The following FAM13A variants were observed in gnomAD, a reference collection of about 807,000 sequenced individuals.
The protein encoded by FAM13A is protein FAM13A.
In FAM13A, 76 loss-of-function variants were observed where a neutral mutation model predicts 129.6. The ratio of observed to expected loss-of-function variants is 0.59; its 90% CI spans 0.49 to 0.71. The LOEUF (loss-of-function observed/expected upper bound fraction) is 0.71. Among genes scored for constraint, FAM13A ranks in the 30% least tolerant of loss-of-function variants. FAM13A has a pLI of 0.00. For synonymous variants in FAM13A, 443 were observed against 449.9 expected (o/e 0.98, Z 0.20); for missense variants, 1,108 against 1,249.3 (o/e 0.89, Z 1.70).
chr4:88,905,494 T>G (rs1475342868), intron 6 of FAM13A, among the ~76,000 whole-genome samples: 1 of 152,172 alleles, frequency 6.6e-6, no homozygotes, highest in Non-Finnish European at 1.5e-5. Context: ...GTACATATTA[T>G]CACATCCCAG....
Position 88,991,166 on chromosome 4 carries a change from A to C in FAM13A, c.428-16T>G. ...TTTCTGCCATCTGGAAAAAAAAAGAATAAAAATGTTCTAAGGTATATTTCA... is the reference window on the plus strand; with the variant it reads ...TTTCTGCCATCTGGAAAAAAAAAGACTAAAAATGTTCTAAGGTATATTTCA... On this transcript the variant is annotated splice_polypyrimidine_tract_variant and intron_variant, in intron 3 of 23. Transcript: ENST00000264344. The C allele has an allele frequency of 6.3e-7, 1 of 1,598,170 alleles. No homozygotes were observed. The highest frequency in any genetic ancestry group is 8.6e-7 in the Non-Finnish European group (1 of 1,168,466).
At chr4:88,961,347 C>CCTTTTTT (rs1758576746) in intron 4 of FAM13A, among the ~76,000 whole-genome samples, 1 of 55,424 alleles carries the variant, frequency 1.8e-5, no homozygotes, top group Non-Finnish European at 3.4e-5. Context: ...TGGAATTTGC[C>CCTTTTTT]TTTTTTTTTT....
intron 5 of FAM13A, among the ~76,000 whole-genome samples, chr4:88,920,947 A>T (rs996875850): frequency 6.6e-6 from 1 of 152,186 alleles, no homozygotes; most frequent in East Asian, 1.9e-4. Context: ...AAGAAAGGGT[A>T]TCAGTGATGG....
chr4:88,823,048 C>T, intron 7 of FAM13A: 1 of 1,612,248 alleles, frequency 6.2e-7, no homozygotes, highest in Non-Finnish European at 8.5e-7. Flanking sequence ...CTGTCTCTTC[C>T]ACGGCAAGTT....
chr4:88,922,031 G>A (rs1379825481), intron 5 of FAM13A, among the ~76,000 whole-genome samples: 5 of 151,748 alleles, frequency 3.3e-5, no homozygotes, highest in Admixed American at 1.3e-4. Flanking sequence ...CCCAATACAG[G>A]AGCACCCAGA....
intron 3 of FAM13A, among the ~76,000 whole-genome samples, chr4:89,019,608 A>G (rs527435165): frequency 6.6e-6 from 1 of 151,998 alleles, no homozygotes; most frequent in African/African-American, 2.4e-5. Context: ...TAAAAATACA[A>G]AAGTTAGCCG....
intron 7 of FAM13A, among the ~76,000 whole-genome samples, chr4:88,848,866 A>G (rs1737107901): frequency 6.6e-6 from 1 of 152,098 alleles, no homozygotes; most frequent in Non-Finnish European, 1.5e-5. Flanking sequence ...CCTACATTCT[A>G]CATTGTAAAC....
chr4:88,989,946 A>G (rs1369636702), intron 4 of FAM13A: 1 of 152,250 alleles, frequency 6.6e-6, no homozygotes, highest in Non-Finnish European at 1.5e-5. Flanking sequence ...CAGAACAAAT[A>G]TAAGAAAAAA....
chr4:88,934,149 T>A (rs1753483668), intron 5 of FAM13A, among the ~76,000 whole-genome samples: 1 of 152,152 alleles, frequency 6.6e-6, no homozygotes, highest in African/African-American at 2.4e-5. Flanking sequence ...CGTTTTCTTG[T>A]CAATGAAGCA....
intron 6 of FAM13A, chr4:88,856,166 G>A (rs994802431): frequency 2.6e-5 from 4 of 152,120 alleles, no homozygotes; most frequent in African/African-American, 9.7e-5. Flanking sequence ...TTGCTGTGCT[G>A]GCATTTTGAA....
chr4:88,770,620 T>C (rs1420471782), intron 11 of FAM13A, among the ~76,000 whole-genome samples: 1 of 151,644 alleles, frequency 6.6e-6, no homozygotes. Flanking sequence ...GAACAGAAAA[T>C]AAACCGTAAT....
intron 5 of FAM13A, among the ~76,000 whole-genome samples, chr4:88,917,312 G>A (rs540226464): frequency 5.9e-5 from 9 of 152,156 alleles, no homozygotes; most frequent in African/African-American, 1.7e-4. Context: ...ACCAGCTCTT[G>A]CAGAAACTAA....
intron 11 of FAM13A, among the ~76,000 whole-genome samples, chr4:88,775,929 C>T (rs954849701): frequency 6.6e-6 from 1 of 152,162 alleles, no homozygotes; most frequent in African/African-American, 2.4e-5. Flanking sequence ...GGCTAAGTAA[C>T]GTGCTTTACT....
chr4:88,956,118 A>G (rs923337144), intron 4 of FAM13A, among the ~76,000 whole-genome samples: 3 of 152,238 alleles, frequency 2.0e-5, no homozygotes, highest in Admixed American at 6.5e-5. Context: ...AGTAGTGTAC[A>G]GTAATGTCCT....
intron 4 of FAM13A, among the ~76,000 whole-genome samples, chr4:88,953,126 A>C (rs1757202414): frequency 6.6e-6 from 1 of 152,008 alleles, no homozygotes; most frequent in African/African-American, 2.4e-5. Context: ...CCATCATCAC[A>C]ATCAATTTTA....
chr4:88,877,128 T>C (rs554976118), intron 6 of FAM13A, among the ~76,000 whole-genome samples: 2 of 152,230 alleles, frequency 1.3e-5, no homozygotes, highest in Non-Finnish European at 2.9e-5. Context: ...TTGGTGCTTT[T>C]GCTCATATAC....
At chr4:89,047,346 C>A (rs1454977551) in intron 1 of FAM13A, among the ~76,000 whole-genome samples, 1 of 151,926 alleles carries the variant, frequency 6.6e-6, no homozygotes, top group Non-Finnish European at 1.5e-5. Flanking sequence ...ATTTTATACT[C>A]CAGACACGTG....
intron 4 of FAM13A, among the ~76,000 whole-genome samples, chr4:88,949,384 T>A (rs557053629): frequency 1.8e-4 from 27 of 152,262 alleles, no homozygotes; most frequent in Non-Finnish European, 3.7e-4. Flanking sequence ...TGTCCTTAAT[T>A]GATTTGCAAT....
intron 6 of FAM13A, among the ~76,000 whole-genome samples, chr4:88,866,601 G>T (rs1740501541): frequency 6.6e-6 from 1 of 152,020 alleles, no homozygotes; most frequent in Non-Finnish European, 1.5e-5. Context: ...AATATGCACA[G>T]TCCAGAATAC....
Sources: gnomAD v4.1 joint callset for allele counts (sites outside exome capture counted in the v4.1 genomes callset) on GRCh38, gnomAD v4.1.1 for gene constraint, MANE v1.5 for transcripts, NCBI Gene and HGNC (gene_info 2026-07-23, HGNC 2026-07-21) for gene names.